The following MOB1B variants were observed in gnomAD, a reference collection of about 807,000 sequenced individuals.
MOB1B encodes the protein MOB1 Mps One Binder homolog B.
Under a neutral mutation model 24.4 loss-of-function variants are expected in MOB1B, and 19 were observed. That is an observed-to-expected ratio of 0.78 (90% CI 0.54 to 1.14). MOB1B has a LOEUF of 1.14. MOB1B is among the 50% of genes most tolerant of loss of function. The pLI, the probability that MOB1B is intolerant of heterozygous loss-of-function variation, is 0.00. For missense variants in MOB1B, 243 were observed against 259.6 expected, an observed-to-expected ratio of 0.94 and a Z score of 0.44; for synonymous variants, 76 against 82.1, an observed-to-expected ratio of 0.93 and a Z score of 0.40.
rs62325394 is a variant in MOB1B, at chr4:70,944,479, G to A, written c.15-14395G>A. On this transcript the variant is annotated intron_variant, in intron 1 of 5. Transcript: ENST00000309395. ...TAGAAAAGTTTGAGATTGACAACTC[G>A]TTTTATTGGTAGTGTCTGTAATATT... Among the ~76,000 whole-genome samples, 305 of 152,246 alleles carry A rather than the reference G, an allele frequency of 2.0e-3. 1 individual carries two copies. Among genetic ancestry groups the A allele is most frequent in the Non-Finnish European group, 3.5e-3 (235 of 68,010 alleles).
chr4:70,983,232 A>T lies in MOB1B; in HGVS notation c.*1175A>T, dbSNP rs1235944852. 6.6e-6 allele frequency: 1 copy of T among 152,504 alleles called. No individual in the cohort carries two copies. The highest frequency in any genetic ancestry group is 1.5e-5 in the Non-Finnish European group (1 of 67,966). The allele number at this position is 152,504 out of a possible 1,614,324, so 9.4% of individuals were successfully genotyped here. A position where few individuals can be genotyped will look rare whatever the true frequency, so the allele number is the denominator to read the frequency against. ...CATTTCCATTCAGTGAATGGAGCTG[A>T]TGTTTGCCTGTCATTTTAAGATGAT... is the stretch of plus-strand genomic sequence containing the variant. On this transcript the variant is annotated 3_prime_UTR_variant, in exon 6 of 6. Coordinates refer to ENST00000309395, the MANE Select transcript of MOB1B (RefSeq NM_173468.4).
chr4:70,958,904 A>G lies in MOB1B; in HGVS notation c.45A>G (p.Pro15=). ...GTCGCTCTTCTAAAACTTTTAAACC[A>G]AAGAAGAACATTCCAGAGGGTTCTC... is the stretch of plus-strand genomic sequence containing the variant. The part of the protein sequence containing the change: ...FGSRSSKTFK[P]KKNIPEGSHQ... The change falls in exon 2 of 6, where the codon CCA becomes CCG. Residue 15 remains proline, a synonymous_variant. Coordinates refer to ENST00000309395, the MANE Select transcript of MOB1B (RefSeq NM_173468.4). The G allele has an allele frequency of 6.2e-7, 1 of 1,612,800 alleles. No homozygotes were observed. Among genetic ancestry groups the G allele is most frequent in the Non-Finnish European group, 8.5e-7 (1 of 1,179,728 alleles).
intron 1 of MOB1B, among the ~76,000 whole-genome samples, chr4:70,913,004 G>A (rs1736056161): frequency 6.6e-6 from 1 of 152,166 alleles, no homozygotes; most frequent in South Asian, 2.1e-4. Flanking sequence ...CAATTTGCCC[G>A]GCCTTGGCCT....
chr4:70,979,342 T>C (rs760764014), intron 5 of MOB1B, 51 bp downstream of exon 5: 4 of 1,424,896 alleles, frequency 2.8e-6, no homozygotes, highest in Non-Finnish European at 3.9e-6. Context: ...TTTATCTTCA[T>C]AGTTCTAAGG....
chr4:70,964,024 CA>C (rs1387684279), intron 2 of MOB1B, among the ~76,000 whole-genome samples: 1 of 151,962 alleles, frequency 6.6e-6, no homozygotes, highest in Non-Finnish European at 1.5e-5. Context: ...AGGCAAAAAG[CA>C]ATAAAAAAGG....
At chr4:70,908,119 G>A (rs1307531063) in intron 1 of MOB1B, among the ~76,000 whole-genome samples, 10 of 150,554 alleles carry the variant, frequency 6.6e-5, no homozygotes, top group Non-Finnish European at 1.0e-4. Flanking sequence ...TCCACCTCCC[G>A]GGTTCACGCC....
chr4:70,938,983 G>A (rs982166240), intron 1 of MOB1B, among the ~76,000 whole-genome samples: 1 of 152,114 alleles, frequency 6.6e-6, no homozygotes, highest in African/African-American at 2.4e-5. Flanking sequence ...ACTGAGCCTG[G>A]CCCCTTGCAG....
chr4:70,988,000 G>A lies in MOB1B; in HGVS notation c.*5943G>A, dbSNP rs897687223. On this transcript the variant is annotated 3_prime_UTR_variant, in exon 6 of 6. Coordinates refer to ENST00000309395, the MANE Select transcript of MOB1B (RefSeq NM_173468.4). Reference sequence around the variant, plus strand: ...TCATTTTTGTTTAAAAAGGGATACTGATGTCAGAAAATCTGTAATATGTTT... The same window carrying A: ...TCATTTTTGTTTAAAAAGGGATACTAATGTCAGAAAATCTGTAATATGTTT... The A allele has an allele frequency of 6.6e-6, 1 of 152,284 alleles. No homozygotes were observed. Among genetic ancestry groups the A allele is most frequent in the Non-Finnish European group, 1.5e-5 (1 of 67,954 alleles). The allele number at this position is 152,284 out of a possible 1,614,324, so 9.4% of individuals were successfully genotyped here. A position where few individuals can be genotyped will look rare whatever the true frequency, so the allele number is the denominator to read the frequency against.
intron 1 of MOB1B, among the ~76,000 whole-genome samples, chr4:70,921,256 A>G (rs1736424428): frequency 6.6e-6 from 1 of 152,110 alleles, no homozygotes; most frequent in Admixed American, 6.6e-5. Context: ...TACCAGTACT[A>G]TTATACATTC....
rs79522502 is a variant in MOB1B at position 70,961,584 on chromosome 4, A to G, written c.181+2544A>G. ...ACTTTGAGAACTCTTAAAATTTCACAGTAGTTCTATGATTTTACTACAGCT... is the reference window on the plus strand; with the variant it reads ...ACTTTGAGAACTCTTAAAATTTCACGGTAGTTCTATGATTTTACTACAGCT... On this transcript the variant is annotated intron_variant, in intron 2 of 5. Coordinates refer to ENST00000309395, the MANE Select transcript of MOB1B (RefSeq NM_173468.4). Among the ~76,000 whole-genome samples, 298 of 152,364 alleles carry G rather than the reference A, an allele frequency of 2.0e-3. 1 individual carries two copies. Among genetic ancestry groups the G allele is most frequent in the African/African-American group, 6.9e-3 (288 of 41,592 alleles).
intron 1 of MOB1B, among the ~76,000 whole-genome samples, chr4:70,918,110 T>C (rs1313535947): frequency 1.3e-5 from 2 of 152,202 alleles, no homozygotes; most frequent in African/African-American, 4.8e-5. Context: ...GGCAATCCCA[T>C]GTACCTAAAC....
intron 2 of MOB1B, among the ~76,000 whole-genome samples, chr4:70,968,582 A>G (rs1738631708): frequency 6.6e-6 from 1 of 151,742 alleles, no homozygotes; most frequent in African/African-American, 2.4e-5. Context: ...AAGTGCTGAG[A>G]TTACAGGCGT....
intron 2 of MOB1B, among the ~76,000 whole-genome samples, chr4:70,966,370 C>T (rs1218067524): frequency 6.6e-6 from 1 of 151,074 alleles, no homozygotes; most frequent in Non-Finnish European, 1.5e-5. Flanking sequence ...TATAGTGAGT[C>T]CCACTTTTTT....
chr4:70,950,056 T>C (rs1737738995), intron 1 of MOB1B, among the ~76,000 whole-genome samples: 1 of 152,038 alleles, frequency 6.6e-6, no homozygotes, highest in South Asian at 2.1e-4. Flanking sequence ...TTGATTAAAA[T>C]GTGGTGAAAA....
rs143367797 is a variant in MOB1B, at chr4:70,960,676, G to C, written c.181+1636G>C. Reference sequence around the variant, plus strand: ...TATCCTCCTGGACCAAGAGAGTCTAGTTATTTGAAATAAAGTGATTTGTTT... The same window carrying C: ...TATCCTCCTGGACCAAGAGAGTCTACTTATTTGAAATAAAGTGATTTGTTT... On this transcript the variant is annotated intron_variant, in intron 2 of 5. Transcript: ENST00000309395. Among the ~76,000 whole-genome samples the C allele has an allele frequency of 1.4e-3, 207 of 152,220 alleles. 1 individual carries two copies. The highest frequency in any genetic ancestry group is 4.3e-3 in the African/African-American group (177 of 41,536).
At chr4:70,941,965 G>A (rs1737365420) in intron 1 of MOB1B, among the ~76,000 whole-genome samples, 1 of 152,054 alleles carries the variant, frequency 6.6e-6, no homozygotes, top group African/African-American at 2.4e-5. Context: ...TAATAGTTGT[G>A]AAAGGCTTTA....
intron 5 of MOB1B, among the ~76,000 whole-genome samples, chr4:70,980,797 G>A (rs1739182529): frequency 2.0e-5 from 3 of 152,254 alleles, no homozygotes; most frequent in South Asian, 2.1e-4. Context: ...GGCGGGTCCC[G>A]TCTCTGATAT....
chr4:70,908,118 C>T (rs1199352447), intron 1 of MOB1B, among the ~76,000 whole-genome samples: 31 of 151,564 alleles, frequency 2.0e-4, no homozygotes, highest in African/African-American at 6.8e-4. Context: ...CTCCACCTCC[C>T]GGGTTCACGC....
At chr4:70,968,630 T>C (rs1226946347) in intron 2 of MOB1B, among the ~76,000 whole-genome samples, 2 of 152,170 alleles carry the variant, frequency 1.3e-5, no homozygotes, top group Non-Finnish European at 2.9e-5. Context: ...TTTATTCTTT[T>C]TTGAGACAAG....
Sources: gnomAD v4.1 joint callset for allele counts (sites outside exome capture counted in the v4.1 genomes callset) on GRCh38, gnomAD v4.1.1 for gene constraint, MANE v1.5 for transcripts, NCBI Gene and HGNC (gene_info 2026-07-23, HGNC 2026-07-21) for gene names.